The following PTPN13 variants were observed in gnomAD, a reference collection of about 807,000 sequenced individuals.
PTPN13 encodes the protein protein tyrosine phosphatase non-receptor type 13, also known as tyrosine-protein phosphatase non-receptor type 13.
PTPN13 carries 191 observed loss-of-function variants against 284.0 expected under a neutral mutation model. The ratio of observed to expected loss-of-function variants is 0.67; its 90% confidence interval spans 0.60 to 0.76. PTPN13 has a LOEUF of 0.76. Among genes scored for constraint, PTPN13 ranks in the 30% least tolerant of loss-of-function variants. The pLI is 0.00. For synonymous variants in PTPN13, 986 were observed against 1,022.3 expected, an observed-to-expected ratio of 0.96 and a Z score of 0.68; for missense variants, 2,797 against 2,939.9, an observed-to-expected ratio of 0.95 and a Z score of 1.12.
rs1271079930 is a variant in PTPN13 at position 86,772,908 on chromosome 4, T to C, written c.5299T>C (p.Trp1767Arg). Reference protein sequence around the residue: ...HISEPTRQENWTPLKNDLENH... With the variant: ...HISEPTRQENRTPLKNDLENH... ...TTCTGAACCAACTAGACAAGAAAAC[T>C]GGACACCTTTGAAAAATGACTTGGA... is the stretch of plus-strand genomic sequence containing the variant. Residue 1767 changes from tryptophan (W) to arginine (R), a missense_variant, in exon 32 of 48, where the codon TGG becomes CGG. Trp to Arg is a moderately radical substitution (Grantham distance 101). Coordinates refer to ENST00000411767, the MANE Select transcript of PTPN13 (RefSeq NM_080683.3). 1.6e-5 allele frequency: 26 copies of C among 1,610,576 alleles called. No individual in the cohort carries two copies. In the Admixed American group the frequency reaches 4.2e-4, roughly 26 times the overall value.
chr4:86,624,380 AG>A (rs1415325443), intron 1 of PTPN13, among the ~76,000 whole-genome samples: 1 of 152,170 alleles, frequency 6.6e-6, no homozygotes, highest in Non-Finnish European at 1.5e-5. Flanking sequence ...CCCAGGGACC[AG>A]TGCTCTCATT....
rs1578335200 is a variant in PTPN13, at chr4:86,649,717, T to A, written c.115+14346T>A. Among the ~76,000 whole-genome samples the A allele has an allele frequency of 3.9e-5, 6 of 152,206 alleles. 1 individual carries two copies. On this transcript the variant is annotated intron_variant, in intron 2 of 47. Coordinates refer to ENST00000411767, the MANE Select transcript of PTPN13 (RefSeq NM_080683.3). ...ATTGCTCTGGCTATTCTGGGTCTTT[T>A]GTGACTCCATATAAATTTTAAGATT...
intron 6 of PTPN13, among the ~76,000 whole-genome samples, chr4:86,698,274 A>G (rs1298904851): frequency 6.6e-6 from 1 of 152,178 alleles, no homozygotes; most frequent in Non-Finnish European, 1.5e-5. Context: ...CAGTTGAGTA[A>G]TTGGGCCACT....
intron 1 of PTPN13, among the ~76,000 whole-genome samples, chr4:86,605,621 GAAATAA>G (rs1764679997): frequency 6.6e-6 from 1 of 151,742 alleles, no homozygotes; most frequent in Non-Finnish European, 1.5e-5. Flanking sequence ...TTGATGAATA[GAAATAA>G]AAATAAGATT....
At chr4:86,785,427 G>C (rs996930097) in intron 39 of PTPN13, 59 bp downstream of exon 39, 1 of 1,459,130 alleles carries the variant, frequency 6.9e-7, no homozygotes. Context: ...TCTCTAGGGA[G>C]CATTTTTTGA....
chr4:86,765,266 T>C, intron 25 of PTPN13, 129 bp from the exon 26 acceptor site: 1 of 635,548 alleles, frequency 1.6e-6, no homozygotes, highest in Non-Finnish European at 2.8e-6. Context: ...CTAATGAATA[T>C]ACTGTACATC....
At chr4:86,754,017 C>T (rs1268637872) in intron 20 of PTPN13, among the ~76,000 whole-genome samples, 1 of 152,014 alleles carries the variant, frequency 6.6e-6, no homozygotes, top group African/African-American at 2.4e-5. Context: ...TCAAAACTGT[C>T]AAACACCAGA....
At chr4:86,691,433 A>C (rs1437653606) in intron 5 of PTPN13, among the ~76,000 whole-genome samples, 1 of 152,110 alleles carries the variant, frequency 6.6e-6, no homozygotes, top group Non-Finnish European at 1.5e-5. Flanking sequence ...CAGCATGTAG[A>C]GAGCCTCTCT....
chr4:86,809,829 C>G lies in PTPN13; in HGVS notation c.7144C>G (p.Pro2382Ala). 6.2e-7 allele frequency: 1 copy of G among 1,614,060 alleles called. No homozygotes were observed. Among genetic ancestry groups the G allele is most frequent in the Non-Finnish European group, 8.5e-7 (1 of 1,179,898 alleles). The change falls in exon 46 of 48, where the codon CCT becomes GCT. Residue 2382 changes from proline (P) to alanine (A), a missense_variant. Transcript: ENST00000411767. ...CACTGCCTGGCCAGACCATGATACACCTTCTCAACCAGATGATCTGCTTAC... is the reference window on the plus strand; with the variant it reads ...CACTGCCTGGCCAGACCATGATACAGCTTCTCAACCAGATGATCTGCTTAC... ...NFTAWPDHDT[P>A]SQPDDLLTFI... is the part of the protein sequence containing the mutation.
At chr4:86,645,272 A>C (rs180889378) in intron 2 of PTPN13, among the ~76,000 whole-genome samples, 34 of 152,320 alleles carry the variant, frequency 2.2e-4, no homozygotes, top group African/African-American at 7.0e-4. Context: ...GGGTATCTAC[A>C]CATCATACTT....
chr4:86,696,531 CT>C lies in PTPN13; in HGVS notation c.634+2861del, dbSNP rs1180235725. 1.3e-5 allele frequency among the ~76,000 whole-genome samples: 2 copies of C among 151,814 alleles called. 1 individual carries two copies. Among genetic ancestry groups the C allele is most frequent in the Admixed American group, 1.3e-4 (2 of 15,262 alleles). ...GAAATTTTAATCCAGATTTTAATGC[CT>C]TTTATTTGTGATTTTGTTTTTATAA... On this transcript the variant is annotated intron_variant, in intron 6 of 47. Coordinates refer to ENST00000411767, the MANE Select transcript of PTPN13 (RefSeq NM_080683.3).
intron 46 of PTPN13, 89 bp downstream of exon 46, chr4:86,810,073 TTTAAC>T: frequency 5.6e-6 from 6 of 1,067,928 alleles, no homozygotes; most frequent in Non-Finnish European, 8.0e-6. Context: ...CTTGGGATAT[TTTAAC>T]TTATGAGTTT....
chr4:86,653,201 A>G (rs997193562), intron 2 of PTPN13, among the ~76,000 whole-genome samples: 4 of 152,178 alleles, frequency 2.6e-5, no homozygotes, highest in African/African-American at 9.6e-5. Flanking sequence ...TGAATTTCCT[A>G]TCTGAAAGGA....
At chr4:86,640,930 G>A (rs1337473012) in intron 2 of PTPN13, among the ~76,000 whole-genome samples, 1 of 152,164 alleles carries the variant, frequency 6.6e-6, no homozygotes, top group Non-Finnish European at 1.5e-5. Flanking sequence ...AGTATTATCA[G>A]TAATACAGAG....
intron 42 of PTPN13, among the ~76,000 whole-genome samples, chr4:86,802,151 G>T (rs1228770347): frequency 6.9e-6 from 1 of 144,690 alleles, no homozygotes; most frequent in Non-Finnish European, 1.5e-5. Context: ...ATTTTAGTGT[G>T]TGTGTGTGTG....
At chr4:86,762,386 GT>G (rs753655974) in intron 23 of PTPN13, among the ~76,000 whole-genome samples, 6 of 152,132 alleles carry the variant, frequency 3.9e-5, no homozygotes, top group Admixed American at 6.5e-5. Flanking sequence ...TATAAAGTAA[GT>G]GTGCAAATAA....
chr4:86,749,779 T>G (rs2149203375), intron 17 of PTPN13, among the ~76,000 whole-genome samples: 1 of 152,336 alleles, frequency 6.6e-6, no homozygotes, highest in African/African-American at 2.4e-5. Flanking sequence ...TAGTACTGTT[T>G]GATTCTCCCA....
At chr4:86,677,386 C>T (rs907556377) in intron 3 of PTPN13, among the ~76,000 whole-genome samples, 1 of 150,210 alleles carries the variant, frequency 6.7e-6, no homozygotes, top group African/African-American at 2.5e-5. Context: ...ACGATCTCAG[C>T]TCACTGCAAC....
chr4:86,732,673 G>T lies in PTPN13; in HGVS notation c.1765G>T (p.Asp589Tyr), dbSNP rs771812334. 1 of 1,613,646 alleles carries T rather than the reference G, an allele frequency of 6.2e-7. No individual in the cohort carries two copies. Among genetic ancestry groups the T allele is most frequent in the Non-Finnish European group, 8.5e-7 (1 of 1,179,676 alleles). The change falls in exon 12 of 48, where the codon GAT becomes TAT. Residue 589 changes from aspartate (D) to tyrosine (Y), a missense_variant. Asp to Tyr is a radical substitution (Grantham distance 160). Transcript: ENST00000411767. Reference protein sequence around the residue: ...LNGQRLELTCDTKTICKDVFD... With the variant: ...LNGQRLELTCYTKTICKDVFD... ...CGGGCAAAGACTGGAACTGACCTGT[G>T]ATACCAAAACTATATGTAAAGATGT...
Sources: gnomAD v4.1 joint callset for allele counts (sites outside exome capture counted in the v4.1 genomes callset) on GRCh38, gnomAD v4.1.1 for gene constraint, MANE v1.5 for transcripts, NCBI Gene and HGNC (gene_info 2026-07-23, HGNC 2026-07-21) for gene names.